Variants in DCUN1D4 observed in about 807,000 individuals in gnomAD.
The protein encoded by DCUN1D4 is DCN1-like protein 4.
A neutral mutation model predicts 47.9 loss-of-function variants in DCUN1D4; 22 were observed. That is an observed-to-expected ratio of 0.46 (90% CI 0.33 to 0.66). The LOEUF is 0.66. DCUN1D4 is among the 30% of genes least tolerant of loss of function. The pLI is 0.02. For missense variants in DCUN1D4, 301 were observed against 340.8 expected, an observed-to-expected ratio of 0.88 and a Z score of 0.92; for synonymous variants, 121 against 112.2, an observed-to-expected ratio of 1.08 and a Z score of -0.50.
At chr4:51,855,556 G>A (rs1724008113) in intron 1 of DCUN1D4, among the ~76,000 whole-genome samples, 1 of 152,212 alleles carries the variant, frequency 6.6e-6, no homozygotes, top group Non-Finnish European at 1.5e-5. Context: ...AACGTCAAGG[G>A]TCATGGAGGC....
At chr4:51,841,691 T>C (rs1400822963), upstream of DCUN1D4, among the ~76,000 whole-genome samples, 1 of 152,084 alleles carries the variant, frequency 6.6e-6, no homozygotes, top group Non-Finnish European at 1.5e-5. Context: ...GAGGGAGCAT[T>C]TTACCATGGG....
rs1721859880 is a variant in DCUN1D4, at chr4:51,843,176, G to A, written c.-67G>A. Reference sequence around the variant, plus strand: ...TCAGCTTCGAGCCGAGGTGCAGTGAGCTGGTGGGGGGACCGCGAGGCGAGC... The same window carrying A: ...TCAGCTTCGAGCCGAGGTGCAGTGAACTGGTGGGGGGACCGCGAGGCGAGC... On this transcript the variant is annotated 5_prime_UTR_variant, in exon 1 of 11. Transcript: ENST00000334635. 3 of 1,533,162 alleles carry A rather than the reference G, an allele frequency of 2.0e-6. No homozygotes were observed. The South Asian group carries it at 3.6e-5, about 19-fold the overall frequency. 95.0% of individuals were successfully genotyped at this position (1,533,162 alleles called of 1,614,324 possible). A position where few individuals can be genotyped will look rare whatever the true frequency, so the allele number is the denominator to read the frequency against.
intron 3 of DCUN1D4, among the ~76,000 whole-genome samples, chr4:51,869,182 A>T (rs971630007): frequency 3.3e-5 from 5 of 151,648 alleles, no homozygotes. Context: ...AAAAATAAAA[A>T]AAAATGAGTA....
rs1432315955 is a variant in DCUN1D4, at chr4:51,877,871, A to G, written c.343+17A>G. ...AATATGCAGGTAGGTATTCATTTGTATCATCTAAGACTGATCCTTATGACA... is the reference window on the plus strand; with the variant it reads ...AATATGCAGGTAGGTATTCATTTGTGTCATCTAAGACTGATCCTTATGACA... On this transcript the variant is annotated intron_variant, in intron 5 of 10. Coordinates refer to ENST00000334635, the MANE Select transcript of DCUN1D4 (RefSeq NM_001040402.3). The G allele has an allele frequency of 1.3e-6, 2 of 1,524,232 alleles. No individual in the cohort carries two copies. The highest frequency in any genetic ancestry group is 1.8e-6 in the Non-Finnish European group (2 of 1,102,662). 94.4% of individuals were successfully genotyped at this position (1,524,232 alleles called of 1,614,324 possible).
chr4:51,844,146 G>A (rs1577802677), intron 1 of DCUN1D4, among the ~76,000 whole-genome samples: 2 of 148,754 alleles, frequency 1.3e-5, no homozygotes. Context: ...GCTAGTCGGG[G>A]AGGAAGGGGA....
chr4:51,908,466 A>G (rs1256504260), intron 8 of DCUN1D4, among the ~76,000 whole-genome samples: 1 of 152,042 alleles, frequency 6.6e-6, no homozygotes, highest in African/African-American at 2.4e-5. Flanking sequence ...CCAGGAATCT[A>G]TTGGTCTGCC....
At chr4:51,908,951 T>C in intron 8 of DCUN1D4, 1 of 456,338 alleles carries the variant, frequency 2.2e-6, no homozygotes. Flanking sequence ...TGCGAGCTGC[T>C]GGCTGGCACC....
chr4:51,843,340 C>T (rs891279723), intron 1 of DCUN1D4, 73 bp downstream of exon 1: 311 of 1,458,832 alleles, frequency 2.1e-4, no homozygotes, highest in Non-Finnish European at 2.7e-4. Context: ...TCCCGCAGTC[C>T]CCGCCCCACG....
intron 1 of DCUN1D4, among the ~76,000 whole-genome samples, chr4:51,856,277 T>C (rs145976170): frequency 1.3e-5 from 2 of 152,342 alleles, no homozygotes; most frequent in African/African-American, 2.4e-5. Flanking sequence ...TTTAAAACTT[T>C]TATATCTGAG....
At position 51,903,951 on chromosome 4, in the gene DCUN1D4, ATC is replaced by A. The variant is rs529051456; in HGVS notation, c.615+4575_615+4576del. Among the ~76,000 whole-genome samples the A allele has an allele frequency of 7.3e-5, 11 of 151,516 alleles. No individual in the cohort carries two copies. The South Asian group carries it at 2.3e-3, about 32-fold the overall frequency. ...TATAACCTTGTCTTCTGGTTCCATC[ATC>A]TGTTAATTCTGTGTCTCTTTCTGTT... is the stretch of plus-strand genomic sequence containing the variant. On this transcript the variant is annotated intron_variant, in intron 8 of 10. Transcript: ENST00000334635.
chr4:51,910,767 T>G (rs1733600235), intron 8 of DCUN1D4: 2 of 367,802 alleles, frequency 5.4e-6, no homozygotes, highest in Non-Finnish European at 4.8e-6. Context: ...TTACAAGTTT[T>G]TATTAATCCC....
chr4:51,849,388 A>G (rs1468113331), intron 1 of DCUN1D4, among the ~76,000 whole-genome samples: 1 of 152,156 alleles, frequency 6.6e-6, no homozygotes, highest in Non-Finnish European at 1.5e-5. Context: ...ACTGTCTAAT[A>G]GCCGCCTCCC....
rs917355545 is a variant in DCUN1D4 at position 51,916,172 on chromosome 4, C to T, written c.*2588C>T. On this transcript the variant is annotated 3_prime_UTR_variant, in exon 11 of 11. Transcript: ENST00000334635. ...CCCTTTCTCTTTTTCTATTGTGTTT[C>T]GAACTCCACATTGCAATACTCTGTT... The T allele has an allele frequency of 2.6e-5, 4 of 152,004 alleles. No homozygotes were observed. The highest frequency in any genetic ancestry group is 5.9e-5 in the Non-Finnish European group (4 of 67,976). The allele number at this position is 152,004 out of a possible 1,614,324, so 9.4% of individuals were successfully genotyped here.
chr4:51,847,404 A>C (rs765940179), intron 1 of DCUN1D4, among the ~76,000 whole-genome samples: 32 of 152,218 alleles, frequency 2.1e-4, no homozygotes, highest in Non-Finnish European at 3.8e-4. Context: ...AAAACTAATA[A>C]ATTTTATTCA....
At chr4:51,878,039 G>A (rs1453846444) in intron 5 of DCUN1D4, 185 bp downstream of exon 5, 3 of 357,106 alleles carry the variant, frequency 8.4e-6, no homozygotes, top group East Asian at 4.3e-5. Context: ...ATAGCCAGCA[G>A]CTAAGCCAAA....
chr4:51,897,318 T>C (rs1731420997), intron 7 of DCUN1D4, among the ~76,000 whole-genome samples: 1 of 152,224 alleles, frequency 6.6e-6, no homozygotes, highest in Non-Finnish European at 1.5e-5. Flanking sequence ...GACTTATTTG[T>C]AGTTAGGTAC....
At chr4:51,841,559 A>G (rs1721653634), upstream of DCUN1D4, among the ~76,000 whole-genome samples, 1 of 152,194 alleles carries the variant, frequency 6.6e-6, no homozygotes, top group African/African-American at 2.4e-5. Context: ...CAAATAATAA[A>G]TAACTTCAGG....
At chr4:51,842,923 C>A, upstream of DCUN1D4, 1 of 618,002 alleles carries the variant, frequency 1.6e-6, no homozygotes, top group Non-Finnish European at 2.3e-6. Flanking sequence ...AGCAGCCGGG[C>A]CCAACCCGCT....
chr4:51,848,910 A>G (rs1483882316), intron 1 of DCUN1D4, among the ~76,000 whole-genome samples: 4 of 152,092 alleles, frequency 2.6e-5, no homozygotes, highest in Non-Finnish European at 5.9e-5. Context: ...AAATAGCATT[A>G]CCTGTGGTAT....
Sources: gnomAD v4.1 joint callset for allele counts (sites outside exome capture counted in the v4.1 genomes callset) on GRCh38, gnomAD v4.1.1 for gene constraint, MANE v1.5 for transcripts, NCBI Gene and HGNC (gene_info 2026-07-23, HGNC 2026-07-21) for gene names.